Variants in WNK2 observed in about 807,000 individuals in gnomAD.
WNK2 encodes serine/threonine-protein kinase WNK2.
WNK2 carries 67 observed loss-of-function variants against 192.1 expected under a neutral mutation model. The observed-to-expected ratio is 0.35, with a 90% CI of 0.29 to 0.43. WNK2 has a LOEUF of 0.43. Among genes scored for constraint, WNK2 ranks in the 20% least tolerant of loss-of-function variants. WNK2 has a pLI of 1.00. For missense variants in WNK2, 2,698 were observed against 3,089.7 expected (o/e 0.87, Z 3.01); for synonymous variants, 1,439 against 1,393.9 (o/e 1.03, Z -0.72).
chr9:93,245,857 C>G (rs1167923981), intron 7 of WNK2, among the ~76,000 whole-genome samples: 1 of 152,160 alleles, frequency 6.6e-6, no homozygotes, highest in Non-Finnish European at 1.5e-5. Flanking sequence ...CAGGTGTTGG[C>G]CTGGGCTGCA....
intron 2 of WNK2, among the ~76,000 whole-genome samples, chr9:93,218,238 G>A (rs1366218921): frequency 2.0e-5 from 3 of 152,166 alleles, no homozygotes; most frequent in Non-Finnish European, 4.4e-5. Context: ...CCTTGCCCTG[G>A]GGTGCCCCGC....
chr9:93,278,613 C>T (rs796894391), intron 19 of WNK2, among the ~76,000 whole-genome samples: 5 of 152,282 alleles, frequency 3.3e-5, no homozygotes, highest in African/African-American at 1.2e-4. Context: ...TAACTGCATC[C>T]CACAACACAC....
intron 2 of WNK2, among the ~76,000 whole-genome samples, chr9:93,206,852 G>A (rs1274363515): frequency 2.0e-5 from 3 of 152,150 alleles, no homozygotes; most frequent in East Asian, 1.9e-4. Flanking sequence ...CTGTGGCAGC[G>A]GCTGGATGTG....
intron 29 of WNK2, chr9:93,318,470 T>G (rs1855112904): frequency 1.2e-6 from 2 of 1,613,932 alleles, no homozygotes; most frequent in Non-Finnish European, 1.7e-6. Flanking sequence ...CAGTAGGGAA[T>G]GTCAGTTGTT....
Position 93,292,965 on chromosome 9 carries a change from GGCGACTTCGTGAAGAAGGCCACC to G in WNK2, c.5503_5525del (p.Asp1835LeufsTer43). 6.5e-7 allele frequency: 1 copy of G among 1,539,180 alleles called. No homozygotes were observed. The highest frequency in any genetic ancestry group is 8.7e-7 in the Non-Finnish European group (1 of 1,143,884). ...CCTGCCCGTGAGTGGCAGCGTGGCT[GGCGACTTCGTGAAGAAGGCCACC>G]GCCTTCCTGCAGAGGCCTTCTCGGG... On this transcript the variant is annotated frameshift_variant, in exon 23 of 30. Coordinates refer to ENST00000427277, the MANE Select transcript of WNK2 (RefSeq NM_006648.4). LOFTEE classifies it high-confidence loss of function.
chr9:93,188,920 T>G (rs149006092), intron 2 of WNK2, among the ~76,000 whole-genome samples: 120 of 152,348 alleles, frequency 7.9e-4, no homozygotes, highest in African/African-American at 2.7e-3. Flanking sequence ...CAGCACAATC[T>G]TGTTCCCTTC....
intron 19 of WNK2, among the ~76,000 whole-genome samples, chr9:93,276,906 G>A (rs1388977234): frequency 1.3e-5 from 2 of 152,050 alleles, no homozygotes; most frequent in South Asian, 2.1e-4. Flanking sequence ...CGTGGTGGCG[G>A]GCACCTGTAA....
intron 29 of WNK2, chr9:93,318,157 T>C (rs754358380): frequency 1.3e-6 from 2 of 1,508,242 alleles, no homozygotes; most frequent in African/African-American, 2.8e-5. Context: ...TGAAAAGATA[T>C]GTTAAAAAAA....
At chr9:93,232,964 CAAAAAAA>C (rs71511650) in intron 4 of WNK2, among the ~76,000 whole-genome samples, 2 of 81,976 alleles carry the variant, frequency 2.4e-5, no homozygotes, top group South Asian at 5.8e-4. Context: ...CCTGTCTCTA[CAAAAAAA>C]AAAAAAAAAA....
intron 29 of WNK2, chr9:93,319,493 C>T: frequency 1.2e-6 from 1 of 801,072 alleles, no homozygotes. Flanking sequence ...GGCTGGGCTG[C>T]CCACCACTCT....
chr9:93,268,382 G>C (rs1845500069), intron 18 of WNK2, among the ~76,000 whole-genome samples: 1 of 152,188 alleles, frequency 6.6e-6, no homozygotes, highest in Non-Finnish European at 1.5e-5. Context: ...GGAAGAGCAG[G>C]CAGAAGCCCA....
chr9:93,252,248 T>G (rs1842697692), intron 8 of WNK2, among the ~76,000 whole-genome samples: 1 of 152,168 alleles, frequency 6.6e-6, no homozygotes, highest in South Asian at 2.1e-4. Context: ...CAGGTCTGTT[T>G]GGGTTTGATG....
rs566109413 is a variant in WNK2 at position 93,191,689 on chromosome 9, T to C, written c.681+6079T>C. Among the ~76,000 whole-genome samples, 5 of 151,718 alleles carry C rather than the reference T, an allele frequency of 3.3e-5. 1 individual carries two copies. The South Asian group carries it at 6.3e-4, about 19-fold the overall frequency. ...GGAGAAGCATCAGATTCTGGGTGCATTTGAAGGTGGAGAGCACAGGATTTA... is the reference window on the plus strand; with the variant it reads ...GGAGAAGCATCAGATTCTGGGTGCACTTGAAGGTGGAGAGCACAGGATTTA... On this transcript the variant is annotated intron_variant, in intron 2 of 29. Transcript: ENST00000427277.
At chr9:93,319,135 A>G (rs768736191) in intron 29 of WNK2, 3 of 1,614,034 alleles carry the variant, frequency 1.9e-6, no homozygotes, top group Non-Finnish European at 2.5e-6. Context: ...TTCCTTGTAC[A>G]TGGTGGTCAG....
At chr9:93,261,204 G>T (rs1272832125) in intron 12 of WNK2, among the ~76,000 whole-genome samples, 1 of 152,166 alleles carries the variant, frequency 6.6e-6, no homozygotes, top group Non-Finnish European at 1.5e-5. Flanking sequence ...GTTCCTTCCA[G>T]CCCTGAGAGG....
chr9:93,270,545 G>C (rs968665568), intron 19 of WNK2, among the ~76,000 whole-genome samples: 1 of 152,198 alleles, frequency 6.6e-6, no homozygotes, highest in Admixed American at 6.5e-5. Flanking sequence ...TGAGCTGGTG[G>C]TGAGTTGAAT....
intron 2 of WNK2, among the ~76,000 whole-genome samples, chr9:93,209,343 A>G (rs1834060194): frequency 6.6e-6 from 1 of 152,056 alleles, no homozygotes; most frequent in African/African-American, 2.4e-5. Flanking sequence ...TCCACCCACC[A>G]CGTGTGTGGC....
intron 2 of WNK2, among the ~76,000 whole-genome samples, chr9:93,199,302 A>G (rs2131201605): frequency 6.6e-6 from 1 of 152,022 alleles, no homozygotes; most frequent in Admixed American, 6.5e-5. Flanking sequence ...GGCTTCCCCC[A>G]ATGTCAAGGA....
intron 29 of WNK2, chr9:93,319,185 A>C (rs766297514): frequency 2.0e-5 from 33 of 1,613,578 alleles, no homozygotes; most frequent in Middle Eastern, 1.6e-4. Flanking sequence ...CTGAAGGAGA[A>C]AAATAAACAC....
Sources: gnomAD v4.1 joint callset for allele counts (sites outside exome capture counted in the v4.1 genomes callset) on GRCh38, gnomAD v4.1.1 for gene constraint, MANE v1.5 for transcripts, NCBI Gene and HGNC (gene_info 2026-07-23, HGNC 2026-07-21) for gene names.